The following TMEM222 variants were observed in gnomAD, a reference collection of about 807,000 sequenced individuals.
TMEM222 encodes the protein chromosome 1 open reading frame 160.
TMEM222 carries 18 observed loss-of-function variants against 25.1 expected under a neutral mutation model. The ratio of observed to expected loss-of-function variants is 0.72; its 90% CI spans 0.50 to 1.06. The LOEUF (loss-of-function observed/expected upper bound fraction) is 1.06, where lower values mean the gene tolerates loss of function less well. TMEM222 is among the 50% of genes least tolerant of loss of function. The pLI, the probability that TMEM222 is intolerant of heterozygous loss-of-function variation, is 0.00. For missense variants in TMEM222, 296 were observed against 293.7 expected (o/e 1.01, Z -0.06); for synonymous variants, 131 against 117.9 (o/e 1.11, Z -0.72).
intron 5 of TMEM222, chr1:27,334,633 G>A (rs2014562137): frequency 4.2e-6 from 6 of 1,439,314 alleles, no homozygotes; most frequent in African/African-American, 1.4e-5. Context: ...GGTAAAGTGA[G>A]CAGATAGATC....
chr1:27,334,445 A>C, intron 5 of TMEM222, 164 bp downstream of exon 5: 1 of 1,285,146 alleles, frequency 7.8e-7, no homozygotes, highest in Non-Finnish European at 1.1e-6. Context: ...GGCCTGATGG[A>C]GAGGGAGGTG....
chr1:27,333,332 C>G (rs1451683757), intron 3 of TMEM222: 1 of 471,062 alleles, frequency 2.1e-6, no homozygotes, highest in East Asian at 6.9e-5. Flanking sequence ...CTATGCCTGC[C>G]TAACCCTCTT....
Position 27,322,196 on chromosome 1 carries a change from G to A in TMEM222, c.-2G>A. On this transcript the variant is annotated 5_prime_UTR_variant, in exon 1 of 6. Coordinates refer to ENST00000374076, the MANE Select transcript of TMEM222 (RefSeq NM_032125.3). ...GGCCAGTCGGAGCGGGGCGCGCGCC[G>A]CATGGCGGAAGCGGAAGGGAGTTCT... The A allele has an allele frequency of 1.4e-6, 2 of 1,389,434 alleles. No homozygotes were observed. The highest frequency in any genetic ancestry group is 2.8e-5 in the East Asian group (1 of 35,848). 86.1% of individuals were successfully genotyped at this position (1,389,434 alleles called of 1,614,324 possible).
intron 1 of TMEM222, among the ~76,000 whole-genome samples, chr1:27,327,445 G>A (rs1025950134): frequency 1.3e-5 from 2 of 152,178 alleles, no homozygotes; most frequent in African/African-American, 4.8e-5. Flanking sequence ...CTGGAATGCA[G>A]TGGCGTGATC....
chr1:27,325,201 G>T (rs2014309089), intron 1 of TMEM222: 2 of 398,956 alleles, frequency 5.0e-6, no homozygotes, highest in Non-Finnish European at 9.6e-6. Flanking sequence ...TGGTAATTCT[G>T]CATGAAAAAC....
chr1:27,333,384 C>T (rs758321783), intron 3 of TMEM222: 3 of 471,198 alleles, frequency 6.4e-6, no homozygotes, highest in Non-Finnish European at 1.3e-5. Context: ...GAAGCCTTCT[C>T]ACACCCCATC....
chr1:27,332,530 G>A (rs1312266921), intron 3 of TMEM222: 1 of 717,990 alleles, frequency 1.4e-6, no homozygotes, highest in Admixed American at 2.0e-5. Context: ...GAAAGTTCTG[G>A]TTGGAGAGAA....
Position 27,335,872 on chromosome 1 carries a change from G to T in TMEM222, c.*406G>T. ...GGACCAGAGCTGGTCCCAGCATGGG[G>T]TGCACCGGGTACACTTAACGTGTCT... is the stretch of plus-strand genomic sequence containing the variant. On this transcript the variant is annotated 3_prime_UTR_variant, in exon 6 of 6. Transcript: ENST00000374076. The T allele has an allele frequency of 4.3e-6, 1 of 230,136 alleles. No homozygotes were observed. Among genetic ancestry groups the T allele is most frequent in the Admixed American group, 4.9e-5 (1 of 20,228 alleles). 14.3% of individuals were successfully genotyped at this position (230,136 alleles called of 1,614,324 possible). A position where few individuals can be genotyped will look rare whatever the true frequency, so the allele number is the denominator to read the frequency against.
At chr1:27,322,475 G>A (rs1182564528) in intron 1 of TMEM222, 84 bp downstream of exon 1, 1 of 1,263,754 alleles carries the variant, frequency 7.9e-7, no homozygotes, top group East Asian at 3.1e-5. Flanking sequence ...CGGCCCCAAC[G>A]CGCAGCAAGC....
rs905118749 is a variant in TMEM222 at position 27,336,034 on chromosome 1, G to A, written c.*568G>A. ...GTGCCCATCTGGCATCCTCCAGCCC[G>A]TGCAGTCCGCTCTTCACTGTTCCAC... On this transcript the variant is annotated 3_prime_UTR_variant, in exon 6 of 6. Transcript: ENST00000374076. The A allele has an allele frequency of 1.3e-5, 2 of 159,448 alleles. No individual in the cohort carries two copies. Among genetic ancestry groups the A allele is most frequent in the Non-Finnish European group, 2.8e-5 (2 of 72,040 alleles). The allele number at this position is 159,448 out of a possible 1,614,324, so 9.9% of individuals were successfully genotyped here.
intron 1 of TMEM222, among the ~76,000 whole-genome samples, chr1:27,328,841 C>A (rs1571009017): frequency 6.6e-6 from 1 of 152,314 alleles, no homozygotes; most frequent in African/African-American, 2.4e-5. Flanking sequence ...TCTCTGGAGG[C>A]TTGGCCTGCA....
rs139869306 is a variant in TMEM222, at chr1:27,334,277, G to T, written c.535G>T (p.Val179Phe). 2 of 1,614,066 alleles carry T rather than the reference G, an allele frequency of 1.2e-6. No homozygotes were observed. Among genetic ancestry groups the T allele is most frequent in the Non-Finnish European group, 1.7e-6 (2 of 1,180,020 alleles). Residue 179 changes from valine to phenylalanine, a missense_variant, in exon 5 of 6, where the codon GTC (valine) becomes TTC (phenylalanine). Transcript: ENST00000374076. ...CFFCLLYGKY[V>F]SVGAFVKTWL... ...CTTCTGCCTGCTCTACGGGAAGTAC[G>T]TCAGGTGAGCTGCCCTCCTGCCTGC... is the stretch of plus-strand genomic sequence containing the variant.
At chr1:27,333,310 C>T (rs921477054) in intron 3 of TMEM222, 6 of 470,804 alleles carry the variant, frequency 1.3e-5, no homozygotes, top group African/African-American at 1.2e-4. Flanking sequence ...CTGGAATGCC[C>T]ACCTCTTCTT....
intron 2 of TMEM222, 130 bp downstream of exon 2, chr1:27,330,934 C>A: frequency 2.6e-6 from 4 of 1,556,334 alleles, no homozygotes; most frequent in Non-Finnish European, 3.5e-6. Context: ...TGGCCCTGGC[C>A]CTCTGCCCCT....
intron 1 of TMEM222, among the ~76,000 whole-genome samples, chr1:27,329,101 T>G (rs936527547): frequency 5.3e-5 from 8 of 152,190 alleles, no homozygotes; most frequent in African/African-American, 1.9e-4. Flanking sequence ...GCATACACCA[T>G]GCTTCTGTTC....
chr1:27,334,666 G>C, intron 5 of TMEM222: 1 of 1,416,878 alleles, frequency 7.1e-7, no homozygotes, highest in Non-Finnish European at 9.4e-7. Context: ...CTGCCCCACA[G>C]GTCCCTTCCT....
rs1557526711 is a variant in TMEM222, at chr1:27,334,070, CG to C, written c.408+18del. ...GCACCGCATGGTAGGTGGGCCAGGG[CG>C]GCACCGGCACTCCCCAGGTGGGGAC... On this transcript the variant is annotated intron_variant, in intron 4 of 5. Coordinates refer to ENST00000374076, the MANE Select transcript of TMEM222 (RefSeq NM_032125.3). The C allele has an allele frequency of 1.9e-6, 3 of 1,614,022 alleles. No individual in the cohort carries two copies. The highest frequency in any genetic ancestry group is 2.5e-6 in the Non-Finnish European group (3 of 1,179,972).
At chr1:27,329,629 C>A (rs1256241797) in intron 1 of TMEM222, among the ~76,000 whole-genome samples, 2 of 152,100 alleles carry the variant, frequency 1.3e-5, no homozygotes, top group Non-Finnish European at 2.9e-5. Context: ...CATTTGGATT[C>A]TTTCTAGTTG....
At position 27,329,029 on chromosome 1, in the gene TMEM222, T is replaced by C. The variant is rs565923875; in HGVS notation, c.195-1691T>C. ...CCTATGTGTGACATATTGGGGTGCA[T>C]CTGAGATTTATTGTTGTTTTTTAAT... is the stretch of plus-strand genomic sequence containing the variant. On this transcript the variant is annotated intron_variant, in intron 1 of 5. Coordinates refer to ENST00000374076, the MANE Select transcript of TMEM222 (RefSeq NM_032125.3). Among the ~76,000 whole-genome samples, 7 of 152,264 alleles carry C rather than the reference T, an allele frequency of 4.6e-5. No homozygotes were observed. In the East Asian group the frequency reaches 1.3e-3, roughly 29 times the overall value.
Sources: gnomAD v4.1 joint callset for allele counts (sites outside exome capture counted in the v4.1 genomes callset) on GRCh38, gnomAD v4.1.1 for gene constraint, MANE v1.5 for transcripts, NCBI Gene and HGNC (gene_info 2026-07-23, HGNC 2026-07-21) for gene names.